The following USP34 variants were observed in gnomAD, a reference collection of about 807,000 sequenced individuals.
USP34 encodes ubiquitin carboxyl-terminal hydrolase 34.
Under a neutral mutation model 460.3 loss-of-function variants are expected in USP34, and 70 were observed. The observed-to-expected ratio is 0.15, with a 90% CI of 0.13 to 0.19. The LOEUF (loss-of-function observed/expected upper bound fraction) is 0.19, where lower values mean the gene tolerates loss of function less well. USP34 is among the 10% of genes least tolerant of loss of function. USP34 has a pLI of 1.00. For synonymous variants in USP34, 1,647 were observed against 1,405.3 expected (o/e 1.17, Z -3.85); for missense variants, 3,985 against 4,236.2 (o/e 0.94, Z 1.65).
rs780140614 is a variant in USP34 at position 61,236,032 on chromosome 2, T to C, written c.6960A>G (p.Lys2320=). 1 of 1,606,236 alleles carries C rather than the reference T, an allele frequency of 6.2e-7. No homozygotes were observed. The highest frequency in any genetic ancestry group is 1.7e-5 in the Admixed American group (1 of 57,920). Residue 2320 remains lysine, a synonymous_variant, in exon 56 of 80, where the codon AAA becomes AAG. Coordinates refer to ENST00000398571, the MANE Select transcript of USP34 (RefSeq NM_014709.4). ...SFVLETFIHS[K]EKPTMLQWIE... ...CATAGTAGAAAACACATACCTTTTCTTTAGAATGAATAAATGTCTCTAGGA... is the reference window on the plus strand; with the variant it reads ...CATAGTAGAAAACACATACCTTTTCCTTAGAATGAATAAATGTCTCTAGGA...
intron 57 of USP34, among the ~76,000 whole-genome samples, chr2:61,233,198 C>T (rs1687963687): frequency 6.6e-6 from 1 of 151,988 alleles, no homozygotes; most frequent in South Asian, 2.1e-4. Flanking sequence ...GATTAATTTT[C>T]TTTCTGTTTA....
At chr2:61,402,228 A>G (rs1311284052) in intron 3 of USP34, among the ~76,000 whole-genome samples, 1 of 152,058 alleles carries the variant, frequency 6.6e-6, no homozygotes, top group African/African-American at 2.4e-5. Context: ...TATGGTGACC[A>G]ATGATCACAC....
intron 16 of USP34, among the ~76,000 whole-genome samples, chr2:61,342,202 C>A (rs1558538943): frequency 6.6e-6 from 1 of 151,526 alleles, no homozygotes; most frequent in Non-Finnish European, 1.5e-5. Context: ...TAATTTTACT[C>A]ATTTCAATAG....
At chr2:61,388,158 G>A (rs778668859) in intron 5 of USP34, among the ~76,000 whole-genome samples, 8 of 151,862 alleles carry the variant, frequency 5.3e-5, no homozygotes, top group African/African-American at 1.5e-4. Context: ...TGGGAAGATC[G>A]CCTGAGCCCA....
chr2:61,240,010 CAAA>C (rs10552748), intron 53 of USP34, among the ~76,000 whole-genome samples: 68 of 104,856 alleles, frequency 6.5e-4, no homozygotes, highest in Middle Eastern at 5.2e-3. Flanking sequence ...GACTCCTTCT[CAAA>C]AAAAAAAAAA....
intron 58 of USP34, among the ~76,000 whole-genome samples, chr2:61,231,773 G>C (rs1687912731): frequency 6.7e-6 from 1 of 150,370 alleles, no homozygotes; most frequent in African/African-American, 2.5e-5. Flanking sequence ...CCTACCTGCT[G>C]AGGCAAGAGG....
intron 25 of USP34, among the ~76,000 whole-genome samples, chr2:61,313,030 A>T (rs1690641185): frequency 6.6e-6 from 1 of 152,186 alleles, no homozygotes; most frequent in Non-Finnish European, 1.5e-5. Flanking sequence ...TAATAATAGC[A>T]CTAAGCACAT....
intron 19 of USP34, among the ~76,000 whole-genome samples, chr2:61,331,945 A>T (rs1376698446): frequency 6.6e-6 from 1 of 152,108 alleles, no homozygotes; most frequent in Non-Finnish European, 1.5e-5. Flanking sequence ...TTAGCAATTT[A>T]TCTGCTAAAA....
intron 18 of USP34, among the ~76,000 whole-genome samples, chr2:61,337,298 T>G (rs1691451712): frequency 6.6e-6 from 1 of 152,210 alleles, no homozygotes; most frequent in Admixed American, 6.5e-5. Context: ...CAACATTGTG[T>G]TTGTGAAATT....
At chr2:61,240,864 G>A (rs921178535) in intron 53 of USP34, among the ~76,000 whole-genome samples, 1 of 152,030 alleles carries the variant, frequency 6.6e-6, no homozygotes. Flanking sequence ...ATGAGCCACT[G>A]CGCCTGGGTG....
intron 3 of USP34, among the ~76,000 whole-genome samples, chr2:61,402,887 T>C (rs1469572422): frequency 6.6e-6 from 1 of 152,154 alleles, no homozygotes. Context: ...TTTTATAACA[T>C]GTATGCTACC....
intron 48 of USP34, among the ~76,000 whole-genome samples, chr2:61,253,392 T>A (rs906077328): frequency 6.6e-6 from 1 of 152,200 alleles, no homozygotes; most frequent in African/African-American, 2.4e-5. Context: ...CAGTTAACTT[T>A]TGACTGACTC....
In USP34 at chr2:61,346,965, C is replaced by T. The variant is rs1302779148; in HGVS notation, c.2285+905G>A. 2.6e-5 allele frequency among the ~76,000 whole-genome samples: 4 copies of T among 151,748 alleles called. No individual in the cohort carries two copies. The South Asian group carries it at 6.2e-4, about 24-fold the overall frequency. ...TCAGCCTGGTCAACACGGTGAAACC[C>T]CATCTCTACTAAAAATACTAAAAAA... On this transcript the variant is annotated intron_variant, in intron 15 of 79. Coordinates refer to ENST00000398571, the MANE Select transcript of USP34 (RefSeq NM_014709.4).
chr2:61,296,777 G>C, intron 30 of USP34, 23 bp downstream of exon 30: 1 of 1,606,748 alleles, frequency 6.2e-7, no homozygotes, highest in Non-Finnish European at 8.5e-7. Context: ...CTCTAGGAGA[G>C]TAAAGAGATT....
intron 3 of USP34, among the ~76,000 whole-genome samples, chr2:61,401,268 A>C (rs1255516402): frequency 6.6e-6 from 1 of 151,732 alleles, no homozygotes; most frequent in Non-Finnish European, 1.5e-5. Flanking sequence ...CTACTTTTTT[A>C]AAGATAGGGT....
intron 23 of USP34, 135 bp downstream of exon 23, chr2:61,317,517 ACT>A (rs1400425533): frequency 3.0e-6 from 2 of 664,878 alleles, no homozygotes; most frequent in African/African-American, 3.6e-5. Flanking sequence ...ACAGAGATAG[ACT>A]CCATCTCAAA....
intron 10 of USP34, among the ~76,000 whole-genome samples, chr2:61,351,228 C>T (rs552384953): frequency 1.1e-4 from 17 of 152,080 alleles, no homozygotes; most frequent in South Asian, 2.1e-4. Flanking sequence ...CAATAAATTA[C>T]GCTTAGGAGA....
At chr2:61,254,425 T>A (rs1300050006) in intron 48 of USP34, among the ~76,000 whole-genome samples, 1 of 152,206 alleles carries the variant, frequency 6.6e-6, no homozygotes, top group African/African-American at 2.4e-5. Flanking sequence ...TCTGATGCCA[T>A]CGTGTTACCA....
At chr2:61,263,228 T>C (rs1688948510) in intron 43 of USP34, among the ~76,000 whole-genome samples, 1 of 146,296 alleles carries the variant, frequency 6.8e-6, no homozygotes, top group Non-Finnish European at 1.5e-5. Flanking sequence ...TCCCCAAAGT[T>C]TGAGTGTAAT....
Sources: gnomAD v4.1 joint callset for allele counts (sites outside exome capture counted in the v4.1 genomes callset) on GRCh38, gnomAD v4.1.1 for gene constraint, MANE v1.5 for transcripts, NCBI Gene and HGNC (gene_info 2026-07-23, HGNC 2026-07-21) for gene names.